TTC28: variants seen among roughly 807,000 people sequenced by gnomAD.
TTC28 encodes tetratricopeptide repeat domain 28.
In TTC28, 61 loss-of-function variants were observed where a neutral mutation model predicts 198.0. That is an observed-to-expected ratio of 0.31 (90% CI 0.25 to 0.38). The LOEUF (loss-of-function observed/expected upper bound fraction) is 0.38, where lower values mean the gene tolerates loss of function less well. Ranked by LOEUF, TTC28 falls within the 10% of genes least tolerant of loss-of-function variation. The pLI is 1.00. For missense variants in TTC28, 2,678 were observed against 3,164.0 expected, an observed-to-expected ratio of 0.85 and a Z score of 3.69; for synonymous variants, 1,171 against 1,297.8, an observed-to-expected ratio of 0.90 and a Z score of 2.10.
chr22:28,422,164 G>A (rs940421249), intron 2 of TTC28, among the ~76,000 whole-genome samples: 1 of 152,086 alleles, frequency 6.6e-6, no homozygotes, highest in Non-Finnish European at 1.5e-5. Context: ...CACAATAAAA[G>A]CAACAGTGTT....
At chr22:28,194,434 G>C (rs188476337) in intron 5 of TTC28, among the ~76,000 whole-genome samples, 59 of 152,238 alleles carry the variant, frequency 3.9e-4, no homozygotes, top group African/African-American at 1.3e-3. Context: ...ACTAAGATCA[G>C]AGCAGAACTG....
chr22:28,259,452 C>T (rs993520817), intron 5 of TTC28, among the ~76,000 whole-genome samples: 4 of 151,954 alleles, frequency 2.6e-5, no homozygotes, highest in African/African-American at 9.7e-5. Context: ...TCAGTTTGGA[C>T]TTATAGAGTA....
In TTC28 at chr22:28,297,577, T is replaced by C. The variant is rs1237880765; in HGVS notation, c.802+3A>G. The C allele has an allele frequency of 6.5e-7, 1 of 1,545,676 alleles. No homozygotes were observed. On this transcript the variant is annotated splice_donor_region_variant and intron_variant, in intron 4 of 22. Coordinates refer to ENST00000397906, the MANE Select transcript of TTC28 (RefSeq NM_001145418.2). ...GCACTGAAATAGAGAAGCATCACTC[T>C]ACCTAAGGTCTTGGCTACATCCAAG...
At chr22:28,640,312 A>AG (rs370134470) in intron 1 of TTC28, among the ~76,000 whole-genome samples, 4,274 of 105,300 alleles carry the variant, frequency 0.041, 87 homozygotes, top group African/African-American at 0.056. Context: ...AAAAAAGTAA[A>AG]GGGGGGGGGG....
chr22:28,332,305 A>T (rs1319287499), intron 2 of TTC28, among the ~76,000 whole-genome samples: 1 of 152,010 alleles, frequency 6.6e-6, no homozygotes, highest in Admixed American at 6.6e-5. Flanking sequence ...CCTAATTAAT[A>T]TCTTATGTAA....
chr22:28,324,207 T>C (rs942346756), intron 2 of TTC28, among the ~76,000 whole-genome samples: 5 of 152,050 alleles, frequency 3.3e-5, no homozygotes, highest in African/African-American at 1.2e-4. Flanking sequence ...GTCCCAGCCA[T>C]TTGGGAGGCC....
intron 2 of TTC28, among the ~76,000 whole-genome samples, chr22:28,480,365 C>A (rs182188592): frequency 1.1e-3 from 168 of 152,256 alleles, no homozygotes; most frequent in African/African-American, 3.8e-3. Flanking sequence ...ACACTTGTGA[C>A]CTCATCACCA....
At chr22:28,232,943 A>T (rs980504636) in intron 5 of TTC28, 1 of 152,108 alleles carries the variant, frequency 6.6e-6, no homozygotes, top group Admixed American at 6.6e-5. Context: ...TCTACTAAAA[A>T]TACAAAAAAT....
At position 28,610,848 on chromosome 22, in the gene TTC28, C is replaced by T. The variant is rs184612822; in HGVS notation, c.381+18704G>A. ...GAAAAAAGGTCAGACAAATTGCCAACTAGAATAACCAGCTTAGAGAAGAAC... is the reference window on the plus strand; with the variant it reads ...GAAAAAAGGTCAGACAAATTGCCAATTAGAATAACCAGCTTAGAGAAGAAC... On this transcript the variant is annotated intron_variant, in intron 2 of 22. Transcript: ENST00000397906. 6.6e-5 allele frequency among the ~76,000 whole-genome samples: 10 copies of T among 152,116 alleles called. No homozygotes were observed. In the East Asian group the frequency reaches 1.7e-3, roughly 26 times the overall value.
intron 2 of TTC28, among the ~76,000 whole-genome samples, chr22:28,505,112 C>A (rs538375916): frequency 6.6e-6 from 1 of 151,916 alleles, no homozygotes; most frequent in East Asian, 1.9e-4. Flanking sequence ...AAAAAAGTAG[C>A]CAGGCATGGT....
intron 5 of TTC28, among the ~76,000 whole-genome samples, chr22:28,226,675 G>A (rs1201957421): frequency 3.3e-5 from 5 of 152,078 alleles, no homozygotes; most frequent in Non-Finnish European, 7.4e-5. Flanking sequence ...TGATCCACCC[G>A]CCTTGGCCTC....
At chr22:28,473,321 G>A (rs541550687) in intron 2 of TTC28, among the ~76,000 whole-genome samples, 1 of 152,206 alleles carries the variant, frequency 6.6e-6, no homozygotes, top group East Asian at 1.9e-4. Flanking sequence ...TGTAAAATGA[G>A]GTCATATTGA....
intron 2 of TTC28, among the ~76,000 whole-genome samples, chr22:28,413,663 C>T (rs759175711): frequency 6.6e-6 from 1 of 151,956 alleles, no homozygotes; most frequent in Non-Finnish European, 1.5e-5. Context: ...AAATGCCTTA[C>T]ATTTAAAAAC....
intron 2 of TTC28, among the ~76,000 whole-genome samples, chr22:28,433,932 C>A (rs550694307): frequency 2.0e-5 from 3 of 152,332 alleles, no homozygotes; most frequent in South Asian, 4.1e-4. Context: ...ATATCTAATT[C>A]TTGGTCATCA....
chr22:28,567,479 C>CATAGATATATATATATAT (rs751694635), intron 2 of TTC28, among the ~76,000 whole-genome samples: 1 of 51,128 alleles, frequency 2.0e-5, no homozygotes, highest in Non-Finnish European at 3.5e-5. Flanking sequence ...TACATACATA[C>CATAGATATATATATATAT]ATATATATAT....
rs554068886 is a variant in TTC28 at position 28,011,413 on chromosome 22, T to G, written c.4218+2835A>C. 3.2e-4 allele frequency among the ~76,000 whole-genome samples: 49 copies of G among 152,188 alleles called. No individual in the cohort carries two copies. In the South Asian group the frequency reaches 1.0e-2, roughly 31 times the overall value. ...GAGTTTGAAACTAGCCTGGGCAACA[T>G]GGTGAAACCCTGTCCCTACAAAAAA... On this transcript the variant is annotated intron_variant, in intron 14 of 22. Transcript: ENST00000397906.
intron 2 of TTC28, among the ~76,000 whole-genome samples, chr22:28,592,273 C>T (rs1348841564): frequency 3.3e-5 from 5 of 152,060 alleles, no homozygotes; most frequent in Non-Finnish European, 7.4e-5. Flanking sequence ...ATAGCTTGAA[C>T]CCAAAAGTGT....
chr22:28,604,854 A>T (rs1459959294), intron 2 of TTC28, among the ~76,000 whole-genome samples: 2 of 152,202 alleles, frequency 1.3e-5, no homozygotes, highest in Non-Finnish European at 2.9e-5. Context: ...TTTATATATC[A>T]CCCACAAAGC....
chr22:28,209,861 A>G (rs1926759156), intron 5 of TTC28, among the ~76,000 whole-genome samples: 1 of 152,230 alleles, frequency 6.6e-6, no homozygotes, highest in Admixed American at 6.5e-5. Flanking sequence ...CTAACCCCTG[A>G]GTAGTCTAAC....
Sources: gnomAD v4.1 joint callset for allele counts (sites outside exome capture counted in the v4.1 genomes callset) on GRCh38, gnomAD v4.1.1 for gene constraint, MANE v1.5 for transcripts, NCBI Gene and HGNC (gene_info 2026-07-23, HGNC 2026-07-21) for gene names.